The following ZNF441 variants were observed in gnomAD, a reference collection of about 807,000 sequenced individuals.
ZNF441 encodes the protein zinc finger protein 441.
A neutral mutation model predicts 64.5 loss-of-function variants in ZNF441; 25 were observed. The ratio of observed to expected loss-of-function variants is 0.39; its 90% CI spans 0.28 to 0.54. The LOEUF is 0.54. Among genes scored for constraint, ZNF441 ranks in the 20% least tolerant of loss-of-function variants. The pLI is 0.70. For missense variants in ZNF441, 715 were observed against 843.3 expected, an observed-to-expected ratio of 0.85 and a Z score of 1.88; for synonymous variants, 262 against 268.0, an observed-to-expected ratio of 0.98 and a Z score of 0.22.
chr19:11,772,351 A>G (rs411800), intron 1 of ZNF441, among the ~76,000 whole-genome samples: 73,189 of 151,470 alleles, frequency 0.48, 18,943 homozygotes, highest in African/African-American at 0.69. Flanking sequence ...CTCTCTCGTC[A>G]CCGCACATGG....
intron 1 of ZNF441, among the ~76,000 whole-genome samples, chr19:11,772,713 AAC>A (rs936890235): frequency 2.0e-5 from 3 of 152,176 alleles, no homozygotes; most frequent in Admixed American, 6.5e-5. Flanking sequence ...CTCTACAGAA[AAC>A]ACAAAAAATT....
rs914999267 is a variant in ZNF441 at position 11,774,343 on chromosome 19, G to A, written c.4-3268G>A. Among the ~76,000 whole-genome samples, 11 of 152,106 alleles carry A rather than the reference G, an allele frequency of 7.2e-5. 1 individual carries two copies. In the South Asian group the frequency reaches 1.0e-3, roughly 14 times the overall value. ...TCTTCATTTAATTCTAAGAGTCTTCGTGTGTGGGTGTGTGATCCAAATTTC... is the reference window on the plus strand; with the variant it reads ...TCTTCATTTAATTCTAAGAGTCTTCATGTGTGGGTGTGTGATCCAAATTTC... On this transcript the variant is annotated intron_variant, in intron 1 of 3. Transcript: ENST00000357901.
chr19:11,767,297 AC>A lies in ZNF441; in HGVS notation c.3+104del, dbSNP rs1975278095. ...GCACCAGGTCTTCCCCGCCGGCGAC[AC>A]CCTGGCGCAGCTCGGCCCTCGGTTC... On this transcript the variant is annotated intron_variant, in intron 1 of 3. Coordinates refer to ENST00000357901, the MANE Select transcript of ZNF441 (RefSeq NM_152355.3). The surrounding 1 kb of genome is among the most constrained non-coding windows in gnomAD (Gnocchi z 5.1). The A allele has an allele frequency of 6.6e-7, 1 of 1,519,684 alleles. No individual in the cohort carries two copies. The highest frequency in any genetic ancestry group is 2.0e-5 in the Admixed American group (1 of 50,126). The allele number at this position is 1,519,684 out of a possible 1,614,324, so 94.1% of individuals were successfully genotyped here. A position where few individuals can be genotyped will look rare whatever the true frequency, so the allele number is the denominator to read the frequency against.
At chr19:11,777,943 T>TA (rs558496004) in intron 2 of ZNF441, 105 of 486,798 alleles carry the variant, frequency 2.2e-4, no homozygotes, top group African/African-American at 1.8e-3. Context: ...AAACAGTTGA[T>TA]TAATACATGT....
At chr19:11,779,911 A>AG in intron 3 of ZNF441, 108 bp from the exon 4 acceptor site, 1 of 1,029,006 alleles carries the variant, frequency 9.7e-7, no homozygotes, top group Non-Finnish European at 1.4e-6. Context: ...AACCTGTCTC[A>AG]GAAAAAAAAA....
chr19:11,780,479 A>G lies in ZNF441; in HGVS notation c.655A>G (p.Thr219Ala). The G allele has an allele frequency of 1.2e-6, 2 of 1,614,204 alleles. No individual in the cohort carries two copies. The highest frequency in any genetic ancestry group is 1.1e-5 in the South Asian group (1 of 91,084). Reference protein sequence around the residue: ...SLFHMLRRTHTEEKPYEYEQC... With the variant: ...SLFHMLRRTHAEEKPYEYEQC... ...ATTTCATATGCTTAGAAGAACTCAC[A>G]CTGAAGAGAAACCATATGAATATGA... The change falls in exon 4 of 4, where the codon ACT (threonine) becomes GCT (alanine). Residue 219 changes from threonine (T) to alanine (A), a missense_variant. By Grantham distance (58) the Thr-to-Ala change is moderately conservative (BLOSUM62 0). Around this residue, in one of 2 missense-constraint regions of ZNF441, gnomAD observed 399 missense variants for 413.9 expected, o/e 0.96. Coordinates refer to ENST00000357901, the MANE Select transcript of ZNF441 (RefSeq NM_152355.3).
intron 2 of ZNF441, 157 bp downstream of exon 2, chr19:11,777,894 T>A: frequency 2.9e-6 from 2 of 688,294 alleles, no homozygotes; most frequent in East Asian, 3.2e-5. Context: ...ACTTAACCAC[T>A]AGTAGCCTAC....
chr19:11,777,552 T>G, intron 1 of ZNF441, 59 bp from the exon 2 acceptor site: 2 of 1,564,464 alleles, frequency 1.3e-6, no homozygotes, highest in Non-Finnish European at 1.7e-6. Flanking sequence ...TGAAGTGAAT[T>G]TACATTCCCA....
chr19:11,767,150 C>G lies in ZNF441; in HGVS notation c.-44C>G, dbSNP rs779794218. 8 of 1,554,520 alleles carry G rather than the reference C, an allele frequency of 5.1e-6. No homozygotes were observed. The South Asian group carries it at 9.5e-5, about 18-fold the overall frequency. On this transcript the variant is annotated 5_prime_UTR_variant, in exon 1 of 4. Transcript: ENST00000357901. The surrounding 1 kb of genome is among the most constrained non-coding windows in gnomAD (Gnocchi z 5.1). ...TCTGTCTCGCTGGGACCCGCACTGA[C>G]AGCGGGAGGCAGAGGGAGGAACCTG...
At chr19:11,769,311 G>T (rs1175387956) in intron 1 of ZNF441, among the ~76,000 whole-genome samples, 1 of 152,176 alleles carries the variant, frequency 6.6e-6, no homozygotes, top group Non-Finnish European at 1.5e-5. Context: ...TTATTCTCCT[G>T]TAGGTAACCA....
chr19:11,777,703 G>C lies in ZNF441; in HGVS notation c.96G>C (p.Val32=), dbSNP rs7248102. The C allele has an allele frequency of 1.6e-3, 2,543 of 1,613,210 alleles. 47 individuals are homozygous for C. In the African/African-American group the frequency reaches 0.03, roughly 19 times the overall value. The change falls in exon 2 of 4, where the codon GTG becomes GTC. Residue 32 remains valine (V), a synonymous_variant. Coordinates refer to ENST00000357901, the MANE Select transcript of ZNF441 (RefSeq NM_152355.3). The part of the protein sequence containing the change: ...GPSQKSLYRD[V]MQETIRNLDC... Reference sequence around the variant, plus strand: ...CACAGAAGAGTCTCTACAGAGATGTGATGCAGGAAACCATCAGAAACCTGG... The same window carrying C: ...CACAGAAGAGTCTCTACAGAGATGTCATGCAGGAAACCATCAGAAACCTGG...
At chr19:11,769,194 A>G (rs1218259603) in intron 1 of ZNF441, among the ~76,000 whole-genome samples, 2 of 152,210 alleles carry the variant, frequency 1.3e-5, no homozygotes, top group Non-Finnish European at 2.9e-5. Context: ...AAACGAAACC[A>G]CACTCAAAAT....
intron 1 of ZNF441, among the ~76,000 whole-genome samples, chr19:11,772,364 A>G (rs1436105459): frequency 6.6e-6 from 1 of 152,066 alleles, no homozygotes; most frequent in African/African-American, 2.4e-5. Context: ...GCACATGGGG[A>G]GAAACTCACC....
chr19:11,777,418 AC>A (rs1488766364), intron 1 of ZNF441, among the ~76,000 whole-genome samples, 192 bp from the exon 2 acceptor site: 3 of 152,202 alleles, frequency 2.0e-5, no homozygotes, highest in Admixed American at 6.5e-5. Context: ...CTGTTACTTT[AC>A]AAAACATGTT....
At chr19:11,771,923 G>C (rs12986258) in intron 1 of ZNF441, among the ~76,000 whole-genome samples, 75,822 of 151,944 alleles carry the variant, frequency 0.5, 20,762 homozygotes, top group African/African-American at 0.75. Context: ...ACCTGGAGGC[G>C]TAACCATCTC....
At chr19:11,773,709 C>T (rs435368) in intron 1 of ZNF441, among the ~76,000 whole-genome samples, 73,222 of 151,932 alleles carry the variant, frequency 0.48, 19,017 homozygotes, top group African/African-American at 0.7. Context: ...ATATCTCCAT[C>T]GTGTGTAATT....
rs1348136141 is a variant in ZNF441 at position 11,781,020 on chromosome 19, C to A, written c.1196C>A (p.Ala399Asp). Residue 399 changes from alanine (A) to aspartate (D), a missense_variant, in exon 4 of 4, where the codon GCC becomes GAC. Ala to Asp is a moderately radical substitution (Grantham distance 126). This residue lies in a region of ZNF441 where 316 missense variants were observed against 429.3 expected (regional missense o/e 0.74). Transcript: ENST00000357901. ...CCCTATAAATGTGAATGTGGGAAAGCCTTTAGTGATTTCTATTACTTTCGA... is the reference window on the plus strand; with the variant it reads ...CCCTATAAATGTGAATGTGGGAAAGACTTTAGTGATTTCTATTACTTTCGA... Reference protein sequence around the residue: ...EKPYKCECGKAFSDFYYFRNH... With the variant: ...EKPYKCECGKDFSDFYYFRNH... 1 of 1,613,866 alleles carries A rather than the reference C, an allele frequency of 6.2e-7. No individual in the cohort carries two copies. The highest frequency in any genetic ancestry group is 1.1e-5 in the South Asian group (1 of 91,068).
At chr19:11,771,344 A>G (rs915847111) in intron 1 of ZNF441, among the ~76,000 whole-genome samples, 8 of 152,242 alleles carry the variant, frequency 5.3e-5, no homozygotes, top group Admixed American at 3.3e-4. Context: ...ACTAATTAAT[A>G]TGAAAAGGCT....
rs143612116 is a variant in ZNF441, at chr19:11,781,899, C to T, written c.2075C>T (p.Thr692Ile). Residue 692 changes from threonine (T) to isoleucine (I), a missense_variant, in exon 4 of 4, where the codon ACT becomes ATT. Thr to Ile is a moderately conservative substitution (Grantham distance 89). This residue lies in a region of ZNF441 where 316 missense variants were observed against 429.3 expected (regional missense o/e 0.74). Coordinates refer to ENST00000357901, the MANE Select transcript of ZNF441 (RefSeq NM_152355.3). The stretch of plus-strand genomic sequence containing the variant: ...AGTTCCTTTCATAAACATGAAATGA[C>T]TCACTAGAGAAAACCCCTATGAGTG... ...CISSFHKHEM[T>I]H 3 of 1,585,240 alleles carry T rather than the reference C, an allele frequency of 1.9e-6. No homozygotes were observed. In the Admixed American group the frequency reaches 5.4e-5, roughly 28 times the overall value.
Sources: gnomAD v4.1 joint callset for allele counts (sites outside exome capture counted in the v4.1 genomes callset) on GRCh38, gnomAD v4.1.1 for gene constraint, gnomAD v4.1.1 regional missense constraint, Gnocchi (gnomAD v3.1) non-coding constraint, MANE v1.5 for transcripts, NCBI Gene and HGNC (gene_info 2026-07-23, HGNC 2026-07-21) for gene names.